Variants in CNTN3 observed in about 807,000 individuals in gnomAD.
CNTN3 encodes the protein contactin 3.
A neutral mutation model predicts 119.1 loss-of-function variants in CNTN3; 60 were observed. That is an observed-to-expected ratio of 0.50 (90% CI 0.41 to 0.62). The LOEUF (loss-of-function observed/expected upper bound fraction) is 0.62. Among genes scored for constraint, CNTN3 ranks in the 20% least tolerant of loss-of-function variants. The pLI is 0.00. For missense variants in CNTN3, 1,101 were observed against 1,242.4 expected (o/e 0.89, Z 1.71); for synonymous variants, 450 against 438.7 (o/e 1.03, Z -0.32).
Position 74,336,640 on chromosome 3 carries a change from A to T in CNTN3, c.1383T>A (p.Asp461Glu). ...TCACATTGGCTATTTTGAGTCCTCCATCGTTTAACAAAGAAATTCTAAAGC... is the reference window on the plus strand; with the variant it reads ...TCACATTGGCTATTTTGAGTCCTCCTTCGTTTAACAAAGAAATTCTAAAGC... ...QEHERISLLN[D>E]GGLKIANVTK... Residue 461 changes from aspartate (D) to glutamate (E), a missense_variant, in exon 12 of 23, where the codon GAT (aspartate) becomes GAA (glutamate). By Grantham distance (45) the Asp-to-Glu change is conservative. Coordinates refer to ENST00000263665, the MANE Select transcript of CNTN3 (RefSeq NM_020872.3). The T allele has an allele frequency of 6.2e-7, 1 of 1,607,962 alleles. No individual in the cohort carries two copies. The highest frequency in any genetic ancestry group is 8.5e-7 in the Non-Finnish European group (1 of 1,176,200).
At chr3:74,508,390 T>C (rs1162042901) in intron 2 of CNTN3, among the ~76,000 whole-genome samples, 3 of 152,104 alleles carry the variant, frequency 2.0e-5, no homozygotes, top group Non-Finnish European at 4.4e-5. Context: ...AGTATGAAAA[T>C]GGACTATTAC....
chr3:74,504,592 G>C (rs761252518), intron 2 of CNTN3, among the ~76,000 whole-genome samples: 1 of 152,080 alleles, frequency 6.6e-6, no homozygotes. Context: ...CAAAGTATTC[G>C]ATCTTAGAAT....
chr3:74,461,610 CA>C (rs1403325482), intron 4 of CNTN3, among the ~76,000 whole-genome samples: 2 of 151,992 alleles, frequency 1.3e-5, no homozygotes, highest in Non-Finnish European at 2.9e-5. Context: ...ATTTGTTTCC[CA>C]AACTAGATCC....
intron 5 of CNTN3, among the ~76,000 whole-genome samples, chr3:74,409,595 G>C (rs955841824): frequency 6.6e-6 from 1 of 151,812 alleles, no homozygotes; most frequent in Non-Finnish European, 1.5e-5. Context: ...CTGTCCCTAA[G>C]CATGTGTACA....
chr3:74,499,086 T>TC (rs1254756598), intron 3 of CNTN3, among the ~76,000 whole-genome samples: 1 of 150,596 alleles, frequency 6.6e-6, no homozygotes, highest in African/African-American at 2.4e-5. Flanking sequence ...TCCTTATACT[T>TC]TGCATGATAT....
chr3:74,356,273 T>C (rs749246125), intron 11 of CNTN3, among the ~76,000 whole-genome samples: 24 of 151,978 alleles, frequency 1.6e-4, no homozygotes, highest in Non-Finnish European at 2.6e-4. Flanking sequence ...AATTACCCAA[T>C]CTAGTATTTT....
intron 13 of CNTN3, among the ~76,000 whole-genome samples, chr3:74,313,572 A>G (rs1179935448): frequency 6.6e-6 from 1 of 152,232 alleles, no homozygotes; most frequent in African/African-American, 2.4e-5. Flanking sequence ...GTTGATTAAT[A>G]GAGAAAAGAC....
intron 1 of CNTN3, among the ~76,000 whole-genome samples, chr3:74,529,209 G>T (rs1703660163): frequency 6.6e-6 from 1 of 151,902 alleles, no homozygotes; most frequent in African/African-American, 2.4e-5. Flanking sequence ...ATATTCTTCA[G>T]TGTACATATA....
intron 4 of CNTN3, among the ~76,000 whole-genome samples, chr3:74,477,707 T>C (rs780234581): frequency 1.8e-4 from 28 of 152,218 alleles, no homozygotes; most frequent in South Asian, 6.2e-4. Context: ...GGATGGTTTA[T>C]AACACGAAGG....
chr3:74,315,394 G>T (rs1307166744), intron 13 of CNTN3, among the ~76,000 whole-genome samples: 2 of 151,894 alleles, frequency 1.3e-5, no homozygotes, highest in African/African-American at 4.8e-5. Context: ...TTACTCTGTG[G>T]ACTCACCCTA....
intron 1 of CNTN3, among the ~76,000 whole-genome samples, chr3:74,557,427 TG>T (rs1704087316): frequency 6.6e-6 from 1 of 152,138 alleles, no homozygotes; most frequent in Admixed American, 6.6e-5. Context: ...CCTTCTTGCA[TG>T]GATGAGGCAT....
intron 4 of CNTN3, among the ~76,000 whole-genome samples, chr3:74,483,641 T>C (rs761595300): frequency 1.4e-4 from 21 of 152,084 alleles, no homozygotes; most frequent in Non-Finnish European, 2.9e-4. Context: ...GTATCTACCC[T>C]AACCTTTTTG....
At chr3:74,361,813 A>G (rs2106771827) in intron 11 of CNTN3, 77 bp downstream of exon 11, 2 of 1,412,194 alleles carry the variant, frequency 1.4e-6, no homozygotes, top group Non-Finnish European at 1.9e-6. Context: ...GTTTCATTTC[A>G]TATTTAAAAC....
intron 1 of CNTN3, among the ~76,000 whole-genome samples, chr3:74,534,469 A>G (rs1011069025): frequency 2.0e-5 from 3 of 152,130 alleles, no homozygotes; most frequent in Non-Finnish European, 2.9e-5. Flanking sequence ...TTTATTGTAA[A>G]ATACAGCAAA....
rs374690301 is a variant in CNTN3 at position 74,357,681 on chromosome 3, T to A, written c.1364+4209A>T. Among the ~76,000 whole-genome samples the A allele has an allele frequency of 1.1e-4, 16 of 152,286 alleles. No homozygotes were observed. In the East Asian group the frequency reaches 3.1e-3, roughly 29 times the overall value. ...ATATAGAATATTGGCTTAATCAAAA[T>A]GTATTTGCTGCCAGTGGCCTCTATG... On this transcript the variant is annotated intron_variant, in intron 11 of 22. Coordinates refer to ENST00000263665, the MANE Select transcript of CNTN3 (RefSeq NM_020872.3).
intron 1 of CNTN3, among the ~76,000 whole-genome samples, chr3:74,570,211 T>C (rs1704288483): frequency 6.6e-6 from 1 of 151,748 alleles, no homozygotes; most frequent in Non-Finnish European, 1.5e-5. Context: ...AAGACATGTA[T>C]ATGGAGGGGG....
At chr3:74,382,589 G>A (rs548320318) in intron 5 of CNTN3, among the ~76,000 whole-genome samples, 2 of 152,152 alleles carry the variant, frequency 1.3e-5, no homozygotes, top group Non-Finnish European at 2.9e-5. Flanking sequence ...GACTTTTCTA[G>A]ATGCCAAGTG....
chr3:74,319,995 G>A (rs935709393), intron 13 of CNTN3, among the ~76,000 whole-genome samples: 20 of 152,146 alleles, frequency 1.3e-4, no homozygotes, highest in East Asian at 3.9e-4. Context: ...TTAGAATGGC[G>A]ATCATTAAAA....
At chr3:74,381,347 G>T (rs1313650942) in intron 5 of CNTN3, among the ~76,000 whole-genome samples, 2 of 152,022 alleles carry the variant, frequency 1.3e-5, no homozygotes, top group Non-Finnish European at 2.9e-5. Context: ...ACATGATTAT[G>T]AAAGGATATG....
Sources: gnomAD v4.1 joint callset for allele counts (sites outside exome capture counted in the v4.1 genomes callset) on GRCh38, gnomAD v4.1.1 for gene constraint, MANE v1.5 for transcripts, NCBI Gene and HGNC (gene_info 2026-07-23, HGNC 2026-07-21) for gene names.